Variants in ALDH9A1 observed in about 807,000 individuals in gnomAD.
The protein encoded by ALDH9A1 is 4-trimethylaminobutyraldehyde dehydrogenase.
A neutral mutation model predicts 56.6 loss-of-function variants in ALDH9A1; 42 were observed. The observed-to-expected ratio is 0.74, with a 90% CI of 0.58 to 0.96. The LOEUF is 0.96. Ranked by LOEUF, ALDH9A1 falls within the 40% of genes least tolerant of loss-of-function variation. The pLI, the probability that ALDH9A1 is intolerant of heterozygous loss-of-function variation, is 0.00. For missense variants in ALDH9A1, 661 were observed against 651.5 expected (o/e 1.01, Z -0.16); for synonymous variants, 242 against 236.0 (o/e 1.03, Z -0.23).
At chr1:165,685,478 G>C (rs1460026426) in intron 2 of ALDH9A1, among the ~76,000 whole-genome samples, 1 of 152,134 alleles carries the variant, frequency 6.6e-6, no homozygotes, top group African/African-American at 2.4e-5. Flanking sequence ...CAATCACCTT[G>C]TCCAGAAGGA....
rs1051972097 is a variant in ALDH9A1, at chr1:165,689,970, C to T, written c.327+5282G>A. 4.7e-4 allele frequency among the ~76,000 whole-genome samples: 69 copies of T among 147,654 alleles called. 1 individual carries two copies. The highest frequency in any genetic ancestry group is 3.0e-4 in the Non-Finnish European group (20 of 67,192). On this transcript the variant is annotated intron_variant, in intron 2 of 10. Coordinates refer to ENST00000354775, the MANE Select transcript of ALDH9A1 (RefSeq NM_000696.4). ...AATAATAAATAAACAGAAATTAGTG[C>T]TAAGGTATTGCTATGGCTGCTGCAT...
intron 2 of ALDH9A1, among the ~76,000 whole-genome samples, chr1:165,686,066 T>C (rs1649698515): frequency 1.3e-5 from 2 of 152,170 alleles, no homozygotes; most frequent in Non-Finnish European, 2.9e-5. Flanking sequence ...AAAATGTTCA[T>C]TTCCACTAGG....
Position 165,679,558 on chromosome 1 carries a change from T to C in ALDH9A1, c.814A>G (p.Ile272Val), listed in dbSNP as rs181952996. The change falls in exon 6 of 11, where the codon ATC (isoleucine) becomes GTC (valine). Residue 272 changes from isoleucine to valine, a missense_variant. Physicochemically the swap from Ile to Val is conservative, Grantham distance 29. Transcript: ENST00000354775. ...MKIMEMSAKG[I>V]KPVTLELGGK... Reference sequence around the variant, plus strand: ...CCAAGTTCCAAGGTAACAGGTTTGATTCCTTTAGCTGACATCTCCATGATC... The same window carrying C: ...CCAAGTTCCAAGGTAACAGGTTTGACTCCTTTAGCTGACATCTCCATGATC... 857 of 1,614,194 alleles carry C rather than the reference T, an allele frequency of 5.3e-4. 6 individuals are homozygous for C. The highest frequency in any genetic ancestry group is 5.3e-4 in the South Asian group (48 of 91,076).
chr1:165,667,511 C>T lies in ALDH9A1; in HGVS notation c.1208-61G>A, dbSNP rs1649045207. 8.2e-6 allele frequency: 13 copies of T among 1,581,360 alleles called. No homozygotes were observed. The East Asian group carries it at 1.8e-4, about 22-fold the overall frequency. ...GGACCACAGTGTGCACCACCACCCC[C>T]AGCTAATTTTTTGAAGATCGGGTCT... On this transcript the variant is annotated intron_variant, in intron 8 of 10. Coordinates refer to ENST00000354775, the MANE Select transcript of ALDH9A1 (RefSeq NM_000696.4).
intron 2 of ALDH9A1, among the ~76,000 whole-genome samples, chr1:165,689,201 GT>G (rs1558011272): frequency 1.3e-5 from 2 of 152,128 alleles, no homozygotes; most frequent in African/African-American, 4.8e-5. Context: ...AAAATACTTC[GT>G]TGGGAGAAAA....
intron 2 of ALDH9A1, among the ~76,000 whole-genome samples, chr1:165,690,231 T>C (rs1357733649): frequency 6.6e-6 from 1 of 150,612 alleles, no homozygotes; most frequent in African/African-American, 2.4e-5. Flanking sequence ...GTATGTAATA[T>C]ATACACATAT....
Position 165,680,547 on chromosome 1 carries a change from C to T in ALDH9A1, c.729G>A (p.Leu243=), listed in dbSNP as rs202016807. The change falls in exon 5 of 11, where the codon CTG becomes CTA. Residue 243 remains leucine, a synonymous_variant. Transcript: ENST00000354775. ...VQGGAATGQF[L]CQHPDVAKVS... Reference sequence around the variant, plus strand: ...CTTTGGCCACATCGGGATGCTGACACAGAAACTGGCCTGTGGCAGCCCCTC... The same window carrying T: ...CTTTGGCCACATCGGGATGCTGACATAGAAACTGGCCTGTGGCAGCCCCTC... 3.9e-5 allele frequency: 63 copies of T among 1,614,214 alleles called. No homozygotes were observed. The African/African-American group carries it at 5.7e-4, about 15-fold the overall frequency.
At chr1:165,694,964 A>AT (rs1233470450) in intron 2 of ALDH9A1, among the ~76,000 whole-genome samples, 1 of 151,468 alleles carries the variant, frequency 6.6e-6, no homozygotes, top group South Asian at 2.1e-4. Flanking sequence ...TCAAAAAAAA[A>AT]AAAAAATAAA....
chr1:165,696,609 A>G (rs1419855456), intron 1 of ALDH9A1, among the ~76,000 whole-genome samples: 1 of 151,610 alleles, frequency 6.6e-6, no homozygotes, highest in African/African-American at 2.4e-5. Flanking sequence ...TTCCACCTTT[A>G]TTCCCTCTCC....
At chr1:165,694,998 T>G (rs1415704145) in intron 2 of ALDH9A1, among the ~76,000 whole-genome samples, 2 of 151,260 alleles carry the variant, frequency 1.3e-5, no homozygotes, top group African/African-American at 4.9e-5. Flanking sequence ...CGATGAGCTA[T>G]AAAGAGTGCA....
intron 6 of ALDH9A1, among the ~76,000 whole-genome samples, chr1:165,672,843 G>A (rs940123344): frequency 6.6e-6 from 1 of 151,892 alleles, no homozygotes; most frequent in African/African-American, 2.4e-5. Context: ...AGGCTGAAGT[G>A]GGAATATCAC....
chr1:165,667,225 G>A, intron 9 of ALDH9A1, 84 bp downstream of exon 9: 1 of 1,538,376 alleles, frequency 6.5e-7, no homozygotes, highest in Non-Finnish European at 8.8e-7. Context: ...AAACTAAAGT[G>A]AGAGAATAGG....
At chr1:165,663,753 G>A (rs1648915221) in intron 10 of ALDH9A1, among the ~76,000 whole-genome samples, 1 of 152,222 alleles carries the variant, frequency 6.6e-6, no homozygotes, top group Admixed American at 6.5e-5. Context: ...GGGCAAGGCC[G>A]AGGTCCCAAA....
In ALDH9A1 at chr1:165,662,991, CAG is replaced by C; in HGVS notation, c.*57_*58del. The C allele has an allele frequency of 6.9e-7, 1 of 1,459,422 alleles. No individual in the cohort carries two copies. Among genetic ancestry groups the C allele is most frequent in the Non-Finnish European group, 9.6e-7 (1 of 1,039,346 alleles). The allele number at this position is 1,459,422 out of a possible 1,614,324, so 90.4% of individuals were successfully genotyped here. A position where few individuals can be genotyped will look rare whatever the true frequency, so the allele number is the denominator to read the frequency against. Reference sequence around the variant, plus strand: ...CATTCAGTTGTACTGCCTCTGTAAACAGGGCCAATTCACATCATTCCACAGCG... The same window carrying C: ...CATTCAGTTGTACTGCCTCTGTAAACGGCCAATTCACATCATTCCACAGCG... On this transcript the variant is annotated 3_prime_UTR_variant, in exon 11 of 11. Coordinates refer to ENST00000354775, the MANE Select transcript of ALDH9A1 (RefSeq NM_000696.4).
chr1:165,683,796 C>T (rs538600263), intron 2 of ALDH9A1, among the ~76,000 whole-genome samples: 72 of 152,096 alleles, frequency 4.7e-4, no homozygotes, highest in Middle Eastern at 3.4e-3. Context: ...ATAGATGGTC[C>T]AATGATGAGC....
At chr1:165,685,243 G>A (rs1208507631) in intron 2 of ALDH9A1, among the ~76,000 whole-genome samples, 4 of 152,176 alleles carry the variant, frequency 2.6e-5, no homozygotes, top group Admixed American at 1.3e-4. Context: ...TCACTGGGAT[G>A]AAAGATTAGA....
Position 165,694,651 on chromosome 1 carries a change from C to T in ALDH9A1, c.327+601G>A, listed in dbSNP as rs932927834. On this transcript the variant is annotated intron_variant, in intron 2 of 10. Transcript: ENST00000354775. ...AAAGAATAAAAAGGAAACAAGTAAA[C>T]CACATGGTTTAAAAAGAAAGAAAGG... is the stretch of plus-strand genomic sequence containing the variant. 3.3e-5 allele frequency among the ~76,000 whole-genome samples: 5 copies of T among 152,012 alleles called. No individual in the cohort carries two copies. In the East Asian group the frequency reaches 9.6e-4, roughly 29 times the overall value.
At chr1:165,691,026 G>A (rs1443687278) in intron 2 of ALDH9A1, among the ~76,000 whole-genome samples, 2 of 152,162 alleles carry the variant, frequency 1.3e-5, no homozygotes, top group African/African-American at 4.8e-5. Context: ...CTTCCAGCAT[G>A]GAGTTTGAGA....
intron 9 of ALDH9A1, among the ~76,000 whole-genome samples, chr1:165,666,441 T>C (rs928746679): frequency 4.6e-5 from 7 of 152,152 alleles, no homozygotes; most frequent in African/African-American, 1.7e-4. Flanking sequence ...AAAAAAAGAA[T>C]AGCACATTGG....
Sources: allele counts gnomAD v4.1 joint callset (sites outside exome capture counted in the v4.1 genomes callset), GRCh38; gene constraint gnomAD v4.1.1; transcripts MANE v1.5; gene names NCBI Gene and HGNC (gene_info 2026-07-23, HGNC 2026-07-21).